DCC: variants seen among roughly 807,000 people sequenced by gnomAD.
The protein encoded by DCC is netrin receptor DCC.
DCC carries 58 observed loss-of-function variants against 172.5 expected under a neutral mutation model. The observed-to-expected ratio is 0.34, with a 90% CI of 0.27 to 0.42. The LOEUF is 0.42. Among genes scored for constraint, DCC ranks in the 10% least tolerant of loss-of-function variants. DCC has a pLI of 1.00. For synonymous variants in DCC, 709 were observed against 644.5 expected (o/e 1.10, Z -1.52); for missense variants, 1,740 against 1,791.0 (o/e 0.97, Z 0.51).
intron 5 of DCC, among the ~76,000 whole-genome samples, chr18:52,985,429 A>G (rs1256233527): frequency 6.6e-6 from 1 of 152,132 alleles, no homozygotes. Context: ...GCTGATGAGA[A>G]AGATAGTGGC....
chr18:52,430,196 T>G (rs1987574361), intron 1 of DCC, among the ~76,000 whole-genome samples: 1 of 151,958 alleles, frequency 6.6e-6, no homozygotes, highest in Non-Finnish European at 1.5e-5. Flanking sequence ...GACGTGAAAG[T>G]AATAAGAATA....
intron 1 of DCC, among the ~76,000 whole-genome samples, chr18:52,523,396 T>G (rs1189147879): frequency 6.6e-6 from 1 of 152,208 alleles, no homozygotes; most frequent in Non-Finnish European, 1.5e-5. Flanking sequence ...AGTCCCTTTC[T>G]ATTTAGTTTT....
chr18:52,478,295 G>A (rs1444245733), intron 1 of DCC, among the ~76,000 whole-genome samples: 2 of 152,042 alleles, frequency 1.3e-5, no homozygotes, highest in Non-Finnish European at 2.9e-5. Context: ...TATCAAATGT[G>A]TCTTTTCTTT....
At chr18:53,334,300 T>C (rs937260077) in intron 14 of DCC, among the ~76,000 whole-genome samples, 1 of 152,210 alleles carries the variant, frequency 6.6e-6, no homozygotes. Context: ...GATCTTCTCC[T>C]TCTACTTAGA....
chr18:52,569,007 G>A (rs774471960), intron 1 of DCC, among the ~76,000 whole-genome samples: 10 of 151,984 alleles, frequency 6.6e-5, no homozygotes, highest in Admixed American at 5.2e-4. Flanking sequence ...CTTACCATAC[G>A]TGCTGACTGT....
intron 12 of DCC, among the ~76,000 whole-genome samples, chr18:53,300,354 G>A (rs955732876): frequency 6.6e-6 from 1 of 152,086 alleles, no homozygotes; most frequent in African/African-American, 2.4e-5. Context: ...TCTTGTTTTA[G>A]CCCTCATACT....
chr18:52,644,666 G>T lies in DCC; in HGVS notation c.92-107388G>T, dbSNP rs539504174. On this transcript the variant is annotated intron_variant, in intron 1 of 28. Transcript: ENST00000442544. ...GTTAGTTGGGAGACTGAGGTGGGAG[G>T]ATCACTTGAGCCCAAGAGTTTGAGG... 2.0e-5 allele frequency among the ~76,000 whole-genome samples: 3 copies of T among 151,792 alleles called. No individual in the cohort carries two copies. In the South Asian group the frequency reaches 6.2e-4, roughly 32 times the overall value.
chr18:52,405,549 C>T (rs1044114655), intron 1 of DCC, among the ~76,000 whole-genome samples: 6 of 151,320 alleles, frequency 4.0e-5, no homozygotes, highest in South Asian at 4.2e-4. Flanking sequence ...AGAGCCGAAT[C>T]GTGAGTGAAC....
intron 13 of DCC, among the ~76,000 whole-genome samples, chr18:53,318,690 G>T (rs900577470): frequency 9.3e-5 from 14 of 151,276 alleles, no homozygotes; most frequent in African/African-American, 3.4e-4. Flanking sequence ...ATACATTTAG[G>T]ATAGTTAGCT....
At chr18:53,338,069 T>C (rs1471905175) in intron 14 of DCC, among the ~76,000 whole-genome samples, 1 of 152,238 alleles carries the variant, frequency 6.6e-6, no homozygotes, top group East Asian at 1.9e-4. Flanking sequence ...GGGCACATTC[T>C]TTCTTACATA....
chr18:53,087,978 C>T (rs541067963), intron 7 of DCC, among the ~76,000 whole-genome samples: 165 of 152,170 alleles, frequency 1.1e-3, no homozygotes, highest in African/African-American at 3.5e-3. Context: ...GTTTTGGTAC[C>T]AGTACCATGC....
intron 17 of DCC, among the ~76,000 whole-genome samples, chr18:53,396,144 G>A (rs945160012): frequency 6.6e-6 from 1 of 151,928 alleles, no homozygotes; most frequent in African/African-American, 2.4e-5. Flanking sequence ...TCAGTAGTAA[G>A]GGTAAGATAC....
At chr18:52,520,475 T>C (rs1479591692) in intron 1 of DCC, among the ~76,000 whole-genome samples, 1 of 152,132 alleles carries the variant, frequency 6.6e-6, no homozygotes, top group Non-Finnish European at 1.5e-5. Flanking sequence ...TGTTGATCAT[T>C]AAATAGAGTA....
intron 1 of DCC, among the ~76,000 whole-genome samples, chr18:52,443,465 A>T (rs1406255542): frequency 2.0e-5 from 3 of 152,218 alleles, no homozygotes; most frequent in African/African-American, 7.2e-5. Context: ...GGGACTACCA[A>T]CAACAGTAAA....
At chr18:53,095,803 T>C (rs1182110365) in intron 7 of DCC, among the ~76,000 whole-genome samples, 1 of 151,808 alleles carries the variant, frequency 6.6e-6, no homozygotes, top group East Asian at 1.9e-4. Flanking sequence ...TTTTTTTTTT[T>C]TTTTTTGGAG....
intron 12 of DCC, among the ~76,000 whole-genome samples, chr18:53,299,831 C>T (rs2057111790): frequency 6.6e-6 from 1 of 152,228 alleles, no homozygotes; most frequent in Middle Eastern, 3.4e-3. Flanking sequence ...TTGTTGGATA[C>T]ATGTCTATTT....
chr18:52,803,317 C>A (rs1029947319), intron 2 of DCC, among the ~76,000 whole-genome samples: 1 of 152,112 alleles, frequency 6.6e-6, no homozygotes, highest in African/African-American at 2.4e-5. Context: ...GAGCATCACA[C>A]GGCATTTTAA....
intron 12 of DCC, among the ~76,000 whole-genome samples, chr18:53,290,542 G>T (rs2056990272): frequency 6.6e-6 from 1 of 152,088 alleles, no homozygotes; most frequent in African/African-American, 2.4e-5. Context: ...GCTGCTCTGA[G>T]ATTGAAAGCC....
chr18:53,009,600 A>C (rs2041697582), intron 5 of DCC, among the ~76,000 whole-genome samples: 1 of 151,926 alleles, frequency 6.6e-6, no homozygotes, highest in Admixed American at 6.6e-5. Flanking sequence ...GTTTTGTACC[A>C]ATGCATGTTT....
Sources: gnomAD v4.1 joint callset for allele counts (sites outside exome capture counted in the v4.1 genomes callset) on GRCh38, gnomAD v4.1.1 for gene constraint, MANE v1.5 for transcripts, NCBI Gene and HGNC (gene_info 2026-07-23, HGNC 2026-07-21) for gene names.